Variants in SAMD12 observed in about 807,000 individuals in gnomAD.
SAMD12 encodes the protein sterile alpha motif domain-containing protein 12.
A neutral mutation model predicts 15.0 loss-of-function variants in SAMD12; 9 were observed. That is an observed-to-expected ratio of 0.60 (90% CI 0.36 to 1.05). The LOEUF (loss-of-function observed/expected upper bound fraction) is 1.05. Ranked by LOEUF, SAMD12 falls within the 50% of genes least tolerant of loss-of-function variation. SAMD12 has a pLI of 0.01. For missense variants in SAMD12, 230 were observed against 234.2 expected, an observed-to-expected ratio of 0.98 and a Z score of 0.12; for synonymous variants, 86 against 90.1, an observed-to-expected ratio of 0.96 and a Z score of 0.25.
At chr8:118,450,031 T>C (rs1377998493) in intron 2 of SAMD12, among the ~76,000 whole-genome samples, 1 of 152,136 alleles carries the variant, frequency 6.6e-6, no homozygotes, top group African/African-American at 2.4e-5. Flanking sequence ...GGGACAGTCA[T>C]GTACAAGGTG....
intron 4 of SAMD12, among the ~76,000 whole-genome samples, chr8:118,277,278 C>T (rs1813497152): frequency 6.6e-6 from 1 of 152,166 alleles, no homozygotes; most frequent in South Asian, 2.1e-4. Flanking sequence ...TCACAAAATG[C>T]TAGTGCCAGT....
intron 4 of SAMD12, among the ~76,000 whole-genome samples, chr8:118,243,928 C>G (rs184297892): frequency 1.3e-4 from 20 of 152,230 alleles, no homozygotes; most frequent in African/African-American, 4.8e-4. Flanking sequence ...TTGGCTCCCA[C>G]AAGATGCACA....
chr8:118,496,852 C>T (rs1032723298), intron 2 of SAMD12, among the ~76,000 whole-genome samples: 7 of 151,096 alleles, frequency 4.6e-5, no homozygotes, highest in African/African-American at 1.7e-4. Context: ...TTATAAGGAA[C>T]TTAAGCAAAT....
chr8:118,593,744 A>G (rs1373301672), intron 1 of SAMD12, among the ~76,000 whole-genome samples: 1 of 152,210 alleles, frequency 6.6e-6, no homozygotes, highest in Non-Finnish European at 1.5e-5. Context: ...AACAGAGAAA[A>G]GTAGAATTTG....
chr8:118,354,451 G>T (rs1818123308), intron 4 of SAMD12, among the ~76,000 whole-genome samples: 1 of 152,012 alleles, frequency 6.6e-6, no homozygotes, highest in African/African-American at 2.4e-5. Flanking sequence ...ACCCTAAATG[G>T]AGTTTTCTTC....
chr8:118,299,573 C>A (rs1327959903), intron 4 of SAMD12, among the ~76,000 whole-genome samples: 2 of 152,130 alleles, frequency 1.3e-5, no homozygotes, highest in Admixed American at 6.6e-5. Context: ...CAAGGCAGAG[C>A]TGTCCAGTAA....
In SAMD12 at chr8:118,267,815, G is replaced by A. The variant is rs1355605081; in HGVS notation, c.434-70083C>T. ...GCTATAAAGAAATCCTAAAGGCTGG[G>A]CATGGTGGTTCACACCTGTAATCCC... On this transcript the variant is annotated intron_variant, in intron 4 of 4. Coordinates refer to the SAMD12 transcript ENST00000409003. 2.0e-5 allele frequency among the ~76,000 whole-genome samples: 3 copies of A among 152,164 alleles called. No homozygotes were observed. The South Asian group carries it at 6.2e-4, about 32-fold the overall frequency.
chr8:118,180,353 G>T, the SAMD12 span, among the ~76,000 whole-genome samples: 5 of 152,178 alleles, frequency 3.3e-5, no homozygotes, highest in Non-Finnish European at 7.4e-5. Context: ...TGGGATTATA[G>T]AAATTTATGT....
chr8:118,547,792 T>C (rs185182485), intron 2 of SAMD12, among the ~76,000 whole-genome samples: 30 of 152,350 alleles, frequency 2.0e-4, no homozygotes, highest in African/African-American at 7.2e-4. Context: ...CCTTTGTTAG[T>C]TTTCACCTTG....
intron 4 of SAMD12, among the ~76,000 whole-genome samples, chr8:118,338,629 C>T (rs573549858): frequency 3.5e-4 from 53 of 152,280 alleles, no homozygotes; most frequent in African/African-American, 1.3e-3. Flanking sequence ...GGGATTTCTA[C>T]TTGAAGGCAT....
At chr8:118,139,077 G>C in the SAMD12 span, among the ~76,000 whole-genome samples, 1 of 152,294 alleles carries the variant, frequency 6.6e-6, no homozygotes, top group South Asian at 2.1e-4. Flanking sequence ...TGGAGGCAGA[G>C]GTGGTGGAAA....
At chr8:118,479,303 C>A (rs1044475727) in intron 2 of SAMD12, among the ~76,000 whole-genome samples, 2 of 152,114 alleles carry the variant, frequency 1.3e-5, no homozygotes, top group African/African-American at 4.8e-5. Context: ...TTTCACACTG[C>A]TGATAAAAGA....
chr8:118,158,832 T>C, the SAMD12 span, among the ~76,000 whole-genome samples: 1 of 151,758 alleles, frequency 6.6e-6, no homozygotes, highest in African/African-American at 2.4e-5. Flanking sequence ...CCAGTGTGGG[T>C]CTCCTCCCAG....
chr8:118,404,711 A>G (rs1391349898), intron 3 of SAMD12, among the ~76,000 whole-genome samples: 1 of 152,256 alleles, frequency 6.6e-6, no homozygotes, highest in Non-Finnish European at 1.5e-5. Flanking sequence ...GGGAAAATGT[A>G]GCTTTAACAA....
In SAMD12 at chr8:118,440,687, CACACACACAA is replaced by C. The variant is rs1238519814; in HGVS notation, c.193-736_193-727del. On this transcript the variant is annotated intron_variant, in intron 2 of 3. Transcript: ENST00000314727. Reference sequence around the variant, plus strand: ...ACACACACACACACACACACACACACACACACACAAACACACACACACACACACATATAAA... The same window carrying C: ...ACACACACACACACACACACACACACACACACACACACACACACATATAAA... 5.1e-3 allele frequency among the ~76,000 whole-genome samples: 735 copies of C among 143,780 alleles called. 5 individuals are homozygous for C. The highest frequency in any genetic ancestry group is 0.017 in the African/African-American group (602 of 35,972). The allele number at this position is 143,780 out of a possible 152,430, so 94.3% of individuals were successfully genotyped here.
intron 4 of SAMD12, chr8:118,284,769 T>A (rs3763563): frequency 6.3e-6 from 1 of 158,082 alleles, no homozygotes; most frequent in Non-Finnish European, 1.4e-5. Flanking sequence ...GGTGAAACCC[T>A]GTCTCTACTA....
At chr8:118,385,010 A>T (rs1819876416) in intron 3 of SAMD12, among the ~76,000 whole-genome samples, 1 of 152,132 alleles carries the variant, frequency 6.6e-6, no homozygotes, top group Non-Finnish European at 1.5e-5. Context: ...CAGCAGGAAC[A>T]TGGTACTCTG....
At chr8:118,509,755 G>GTTTAA (rs138978343) in intron 2 of SAMD12, among the ~76,000 whole-genome samples, 3,565 of 152,190 alleles carry the variant, frequency 0.023, 108 homozygotes, top group African/African-American at 0.076. Flanking sequence ...TAATTTAAGT[G>GTTTAA]TTTATTTGAT....
chr8:118,562,823 C>T (rs1225286731), intron 2 of SAMD12, among the ~76,000 whole-genome samples: 1 of 152,060 alleles, frequency 6.6e-6, no homozygotes, highest in Non-Finnish European at 1.5e-5. Context: ...TTGATGTTGC[C>T]CTTTGATGTA....
Sources: allele counts gnomAD v4.1 joint callset (sites outside exome capture counted in the v4.1 genomes callset), GRCh38; gene constraint gnomAD v4.1.1; transcripts MANE v1.5; gene names NCBI Gene and HGNC (gene_info 2026-07-23, HGNC 2026-07-21).